FSTL4: variants seen among roughly 807,000 people sequenced by gnomAD.
FSTL4 encodes follistatin like 4.
A neutral mutation model predicts 78.2 loss-of-function variants in FSTL4; 28 were observed. That is an observed-to-expected ratio of 0.36 (90% CI 0.27 to 0.49). The LOEUF (loss-of-function observed/expected upper bound fraction) is 0.49, where lower values mean the gene tolerates loss of function less well. FSTL4 is among the 20% of genes least tolerant of loss of function. FSTL4 has a pLI of 0.98. For synonymous variants in FSTL4, 422 were observed against 440.5 expected (o/e 0.96, Z 0.53); for missense variants, 922 against 1,084.9 (o/e 0.85, Z 2.11).
Position 133,199,121 on chromosome 5 carries a change from T to C in FSTL4, c.2503A>G (p.Thr835Ala). 1 of 1,560,436 alleles carries C rather than the reference T, an allele frequency of 6.4e-7. No individual in the cohort carries two copies. The highest frequency in any genetic ancestry group is 8.7e-7 in the Non-Finnish European group (1 of 1,149,574). ...CATACCTCACCCACCCACACCACTG[T>C]GGTCCCCCCCTTTATACCTGACACC... is the stretch of plus-strand genomic sequence containing the variant. The part of the protein sequence containing the change: ...CEVSGIKGGT[T>A]VVWVGEV The change falls in exon 16 of 16, where the codon ACA (threonine) becomes GCA (alanine). Residue 835 changes from threonine (T) to alanine (A), a missense_variant. Coordinates refer to ENST00000265342, the MANE Select transcript of FSTL4 (RefSeq NM_015082.2). This position sits in a 1 kb window ranked among gnomAD's most constrained non-coding sequence, Gnocchi z 4.4.
the FSTL4 span, among the ~76,000 whole-genome samples, chr5:133,735,018 T>C: frequency 6.6e-6 from 1 of 152,168 alleles, no homozygotes; most frequent in Non-Finnish European, 1.5e-5. Flanking sequence ...AGGCTCCTTA[T>C]CACAAAGTGC....
intron 3 of FSTL4, among the ~76,000 whole-genome samples, chr5:133,414,754 A>G (rs1756543684): frequency 6.6e-6 from 1 of 152,232 alleles, no homozygotes; most frequent in East Asian, 1.9e-4. Flanking sequence ...ATTATTTTCA[A>G]CACGGCACCA....
chr5:133,688,011 A>T, the FSTL4 span, among the ~76,000 whole-genome samples: 1 of 152,222 alleles, frequency 6.6e-6, no homozygotes, highest in Non-Finnish European at 1.5e-5. Flanking sequence ...CTTTAAAGGA[A>T]CCACCTGGAA....
intron 3 of FSTL4, among the ~76,000 whole-genome samples, chr5:133,513,945 A>C (rs1758794606): frequency 6.6e-6 from 1 of 152,112 alleles, no homozygotes; most frequent in Non-Finnish European, 1.5e-5. Flanking sequence ...TTGGGAGGCC[A>C]AGGCCGGTGG....
chr5:133,797,133 G>A, the FSTL4 span, among the ~76,000 whole-genome samples: 24 of 152,298 alleles, frequency 1.6e-4, no homozygotes, highest in East Asian at 4.4e-3. Context: ...CCTGACAAAG[G>A]GCACCCCAGG....
At chr5:133,254,457 C>T (rs1236832974) in intron 6 of FSTL4, among the ~76,000 whole-genome samples, 1 of 152,164 alleles carries the variant, frequency 6.6e-6, no homozygotes, top group African/African-American at 2.4e-5. Context: ...AGGCCTGGGC[C>T]GTGTGGCCAC....
At chr5:133,442,048 T>C (rs1446011512) in intron 3 of FSTL4, among the ~76,000 whole-genome samples, 1 of 152,186 alleles carries the variant, frequency 6.6e-6, no homozygotes, top group Admixed American at 6.5e-5. Context: ...GGATTTGAGC[T>C]GTCAATAAAT....
the FSTL4 span, among the ~76,000 whole-genome samples, chr5:133,643,714 C>T: frequency 3.9e-5 from 6 of 152,268 alleles, no homozygotes; most frequent in South Asian, 2.1e-4. Context: ...GATGGTGCCC[C>T]GATGATGTAG....
At chr5:133,448,026 G>T (rs376685699) in intron 3 of FSTL4, among the ~76,000 whole-genome samples, 2 of 151,980 alleles carry the variant, frequency 1.3e-5, no homozygotes, top group African/African-American at 4.8e-5. Flanking sequence ...GTTTGCATGT[G>T]TGAGTACACC....
At chr5:133,456,847 G>A (rs1268743331) in intron 3 of FSTL4, among the ~76,000 whole-genome samples, 1 of 152,162 alleles carries the variant, frequency 6.6e-6, no homozygotes, top group Non-Finnish European at 1.5e-5. Context: ...GAAGAGCTGG[G>A]AGCACACACA....
the FSTL4 span, among the ~76,000 whole-genome samples, chr5:133,758,372 A>T: frequency 4.5e-4 from 68 of 152,356 alleles, 1 homozygote; most frequent in African/African-American, 1.6e-3. Flanking sequence ...CAAAAAATAT[A>T]AAATGCCCTA....
At chr5:133,788,432 G>T in the FSTL4 span, among the ~76,000 whole-genome samples, 1 of 152,232 alleles carries the variant, frequency 6.6e-6, no homozygotes, top group Non-Finnish European at 1.5e-5. Context: ...GGCCTAAAAT[G>T]CAGTTGACTT....
chr5:133,274,537 T>C (rs1238218417), intron 6 of FSTL4, among the ~76,000 whole-genome samples: 1 of 152,110 alleles, frequency 6.6e-6, no homozygotes, highest in Admixed American at 6.5e-5. Context: ...AAGACAGCAG[T>C]ATTCTGCCTG....
intron 3 of FSTL4, among the ~76,000 whole-genome samples, chr5:133,546,532 G>C (rs955970947): frequency 8.0e-6 from 1 of 125,094 alleles, no homozygotes; most frequent in East Asian, 2.4e-4. Context: ...AAAAAAAAAA[G>C]AGTGAAAAAG....
chr5:133,322,235 ACACACCCCCACACCCACC>A (rs1754079046), intron 4 of FSTL4, among the ~76,000 whole-genome samples: 2 of 76,562 alleles, frequency 2.6e-5, no homozygotes, highest in Admixed American at 2.3e-4. Flanking sequence ...CCACACACAC[ACACACCCCCACACCCACC>A]CACACCCACC....
At chr5:133,678,107 A>C in the FSTL4 span, among the ~76,000 whole-genome samples, 1 of 152,246 alleles carries the variant, frequency 6.6e-6, no homozygotes, top group Non-Finnish European at 1.5e-5. Flanking sequence ...AGAATATAAT[A>C]TATTGTTATT....
the FSTL4 span, among the ~76,000 whole-genome samples, chr5:133,732,095 A>G: frequency 6.6e-6 from 1 of 152,164 alleles, no homozygotes; most frequent in African/African-American, 2.4e-5. Flanking sequence ...TCCTAAGAGT[A>G]GGACCCTGCT....
Position 133,411,482 on chromosome 5 carries a change from C to T in FSTL4, c.161-10496G>A, listed in dbSNP as rs184736646. Among the ~76,000 whole-genome samples the T allele has an allele frequency of 8.5e-4, 129 of 152,218 alleles. 1 individual carries two copies. The highest frequency in any genetic ancestry group is 3.0e-3 in the Admixed American group (46 of 15,296). ...CAGGGCAATTTAAGGAGACAATGGTCACTATTAAGACTCCAGTCTTCCAAG... is the reference window on the plus strand; with the variant it reads ...CAGGGCAATTTAAGGAGACAATGGTTACTATTAAGACTCCAGTCTTCCAAG... On this transcript the variant is annotated intron_variant, in intron 3 of 15. Coordinates refer to ENST00000265342, the MANE Select transcript of FSTL4 (RefSeq NM_015082.2).
chr5:133,516,918 T>A (rs1215996213), intron 3 of FSTL4, among the ~76,000 whole-genome samples: 2 of 152,144 alleles, frequency 1.3e-5, no homozygotes, highest in African/African-American at 4.8e-5. Flanking sequence ...GATAATTAAA[T>A]CAAATCTCTG....
Sources: allele counts gnomAD v4.1 joint callset (sites outside exome capture counted in the v4.1 genomes callset), GRCh38; gene constraint gnomAD v4.1.1; non-coding constraint Gnocchi (gnomAD v3.1); transcripts MANE v1.5; gene names NCBI Gene and HGNC (gene_info 2026-07-23, HGNC 2026-07-21).